Variants in ADAMTSL3 observed in about 807,000 individuals in gnomAD.
ADAMTSL3 encodes the protein ADAMTS-like protein 3.
ADAMTSL3 carries 128 observed loss-of-function variants against 201.7 expected under a neutral mutation model. That is an observed-to-expected ratio of 0.63 (90% CI 0.55 to 0.73). The LOEUF is 0.73. Ranked by LOEUF, ADAMTSL3 falls within the 30% of genes least tolerant of loss-of-function variation. The pLI is 0.00. For synonymous variants in ADAMTSL3, 738 were observed against 748.4 expected, an observed-to-expected ratio of 0.99 and a Z score of 0.23; for missense variants, 1,990 against 2,119.6, an observed-to-expected ratio of 0.94 and a Z score of 1.20.
chr15:83,667,825 A>G (rs549577410), intron 2 of ADAMTSL3, among the ~76,000 whole-genome samples: 3 of 146,398 alleles, frequency 2.0e-5, no homozygotes, highest in East Asian at 4.5e-4. Context: ...ACAGAGGGAG[A>G]TTGGTGCAGA....
chr15:83,857,369 A>G (rs1366873084), intron 7 of ADAMTSL3, among the ~76,000 whole-genome samples: 2 of 152,138 alleles, frequency 1.3e-5, no homozygotes, highest in Non-Finnish European at 2.9e-5. Flanking sequence ...TTTTAGTGTC[A>G]TATCCAAGAT....
intron 6 of ADAMTSL3, among the ~76,000 whole-genome samples, 193 bp from the exon 7 acceptor site, chr15:83,837,896 C>T (rs1219282049): frequency 6.6e-6 from 1 of 151,698 alleles, no homozygotes; most frequent in Non-Finnish European, 1.5e-5. Context: ...AATATTTCGG[C>T]CTTACATTAG....
chr15:83,665,254 A>G (rs754264157), intron 2 of ADAMTSL3, among the ~76,000 whole-genome samples: 2 of 152,180 alleles, frequency 1.3e-5, no homozygotes, highest in African/African-American at 2.4e-5. Flanking sequence ...TCAGGTTCCA[A>G]ACAAGTGTTA....
At chr15:83,857,327 A>G (rs1361786799) in intron 7 of ADAMTSL3, among the ~76,000 whole-genome samples, 2 of 152,106 alleles carry the variant, frequency 1.3e-5, no homozygotes, top group Non-Finnish European at 2.9e-5. Flanking sequence ...TGATTTGGTC[A>G]AATTTAGTTT....
chr15:83,876,688 G>C (rs1421347744), intron 9 of ADAMTSL3, among the ~76,000 whole-genome samples: 1 of 151,804 alleles, frequency 6.6e-6, no homozygotes, highest in African/African-American at 2.4e-5. Flanking sequence ...CTGGGGTTCG[G>C]TGGCACAATC....
At chr15:84,035,119 T>A (rs1177591077) in intron 28 of ADAMTSL3, among the ~76,000 whole-genome samples, 1 of 152,134 alleles carries the variant, frequency 6.6e-6, no homozygotes, top group Non-Finnish European at 1.5e-5. Context: ...TCTGTGTTGG[T>A]CCATAGCTCC....
intron 28 of ADAMTSL3, among the ~76,000 whole-genome samples, chr15:84,034,491 G>A (rs1407807061): frequency 6.6e-6 from 1 of 152,140 alleles, no homozygotes; most frequent in African/African-American, 2.4e-5. Context: ...TTGTCAGGGT[G>A]GAGCTAGCCC....
intron 28 of ADAMTSL3, among the ~76,000 whole-genome samples, chr15:84,032,664 A>G (rs1466283407): frequency 6.6e-6 from 1 of 152,224 alleles, no homozygotes; most frequent in African/African-American, 2.4e-5. Flanking sequence ...AGTAAAGATT[A>G]ACTTTATTCT....
intron 3 of ADAMTSL3, among the ~76,000 whole-genome samples, chr15:83,720,345 A>G (rs1323440280): frequency 6.6e-6 from 1 of 152,228 alleles, no homozygotes; most frequent in African/African-American, 2.4e-5. Context: ...TAATTAGCAG[A>G]AAAGCATTTT....
In ADAMTSL3 at chr15:83,723,065, A is replaced by G. The variant is rs551585893; in HGVS notation, c.189+18557A>G. ...AAGTTAAAGTAAGATAACATGTAAT[A>G]CAAATTTTGTAAAATACCATGTAAA... On this transcript the variant is annotated intron_variant, in intron 3 of 29. Coordinates refer to ENST00000286744, the MANE Select transcript of ADAMTSL3 (RefSeq NM_207517.3). 1.1e-4 allele frequency among the ~76,000 whole-genome samples: 17 copies of G among 152,352 alleles called. 1 individual carries two copies. The South Asian group carries it at 3.5e-3, about 32-fold the overall frequency.
intron 3 of ADAMTSL3, among the ~76,000 whole-genome samples, chr15:83,747,760 T>C (rs2062570000): frequency 6.6e-6 from 1 of 152,094 alleles, no homozygotes; most frequent in South Asian, 2.1e-4. Flanking sequence ...GACAAACCGA[T>C]GTCTCCCAAA....
In ADAMTSL3 at chr15:83,899,658, G is replaced by C; in HGVS notation, c.1627G>C (p.Val543Leu). The C allele has an allele frequency of 6.2e-7, 1 of 1,611,642 alleles. No homozygotes were observed. Among genetic ancestry groups the C allele is most frequent in the Non-Finnish European group, 8.5e-7 (1 of 1,178,432 alleles). The change falls in exon 15 of 30, where the codon GTG becomes CTG. Residue 543 changes from valine to leucine, a missense_variant. By Grantham distance (32) the Val-to-Leu change is conservative. Transcript: ENST00000286744. ...TCTCTTTTTCTTAGAAAAAAGTCCA[G>C]TGGAAGCAAAATTGCCTTGGCTGAA... ...PCYKPKEKSP[V>L]EAKLPWLKQA...
intron 3 of ADAMTSL3, among the ~76,000 whole-genome samples, chr15:83,722,677 G>A (rs1416577738): frequency 1.3e-5 from 2 of 152,098 alleles, no homozygotes; most frequent in Non-Finnish European, 2.9e-5. Context: ...TACACATTAT[G>A]TAGAAGATAA....
At chr15:83,782,719 T>C (rs1313806143) in intron 4 of ADAMTSL3, among the ~76,000 whole-genome samples, 3 of 151,830 alleles carry the variant, frequency 2.0e-5, no homozygotes, top group Admixed American at 6.6e-5. Context: ...CTGGGACATA[T>C]TGGAGGGTGG....
intron 7 of ADAMTSL3, among the ~76,000 whole-genome samples, chr15:83,839,305 A>T (rs1305905313): frequency 1.3e-5 from 2 of 152,164 alleles, no homozygotes; most frequent in African/African-American, 4.8e-5. Context: ...GGCAGAGGAA[A>T]CACAAAGTTC....
intron 6 of ADAMTSL3, among the ~76,000 whole-genome samples, chr15:83,830,741 T>G (rs1179603370): frequency 5.9e-5 from 9 of 152,210 alleles, no homozygotes; most frequent in Admixed American, 5.9e-4. Context: ...GGGTTGGTTC[T>G]TGGCTGGAGG....
intron 19 of ADAMTSL3, 69 bp from the exon 20 acceptor site, chr15:83,970,415 C>T (rs74621150): frequency 1.9e-5 from 30 of 1,583,516 alleles, no homozygotes; most frequent in East Asian, 8.9e-5. Flanking sequence ...CCCTTGGAGA[C>T]TTTGCTGTTG....
intron 5 of ADAMTSL3, among the ~76,000 whole-genome samples, chr15:83,819,463 G>T (rs923992321): frequency 6.6e-6 from 1 of 152,024 alleles, no homozygotes; most frequent in African/African-American, 2.4e-5. Flanking sequence ...AAAGGAAGGA[G>T]ATTAGATAAT....
intron 2 of ADAMTSL3, 122 bp downstream of exon 2, chr15:83,655,952 T>A: frequency 9.6e-7 from 1 of 1,043,762 alleles, no homozygotes; most frequent in Non-Finnish European, 1.4e-6. Flanking sequence ...AGAACCAGAC[T>A]TTCTTTCCTA....
Sources: allele counts gnomAD v4.1 joint callset (sites outside exome capture counted in the v4.1 genomes callset), GRCh38; gene constraint gnomAD v4.1.1; transcripts MANE v1.5; gene names NCBI Gene and HGNC (gene_info 2026-07-23, HGNC 2026-07-21).